The following STK3 variants were observed in gnomAD, a reference collection of about 807,000 sequenced individuals.
STK3 encodes serine/threonine-protein kinase 3.
A neutral mutation model predicts 58.0 loss-of-function variants in STK3; 41 were observed. The ratio of observed to expected loss-of-function variants is 0.71; its 90% CI spans 0.55 to 0.92. STK3 has a LOEUF of 0.92. STK3 is among the 40% of genes least tolerant of loss of function. The probability of loss-of-function intolerance (pLI) is 0.00; values close to 1 mark genes in which losing one functional copy is unlikely to be tolerated. For synonymous variants in STK3, 170 were observed against 191.0 expected (o/e 0.89, Z 0.91); for missense variants, 479 against 602.7 (o/e 0.79, Z 2.15).
intron 6 of STK3, among the ~76,000 whole-genome samples, chr8:98,665,471 A>T (rs1394144973): frequency 6.6e-6 from 1 of 152,010 alleles, no homozygotes; most frequent in Non-Finnish European, 1.5e-5. Flanking sequence ...ATCATGACTC[A>T]CTGTAGCCTC....
chr8:98,905,118 C>A (rs546412448), intron 1 of STK3: 1 of 1,439,342 alleles, frequency 6.9e-7, no homozygotes, highest in African/African-American at 1.4e-5. Flanking sequence ...GTCTGCCACA[C>A]GACCCGTACG....
chr8:98,911,384 G>T (rs867805437), intron 1 of STK3, among the ~76,000 whole-genome samples: 1,153 of 107,016 alleles, frequency 0.011, 22 homozygotes, highest in African/African-American at 0.049. Flanking sequence ...ATATTGTATT[G>T]TATTTATTTA....
chr8:98,711,786 C>G (rs1346970960), intron 4 of STK3, among the ~76,000 whole-genome samples: 1 of 152,118 alleles, frequency 6.6e-6, no homozygotes, highest in Non-Finnish European at 1.5e-5. Flanking sequence ...ACAGAGAACG[C>G]CACAAAGATA....
At chr8:98,389,645 A>G (rs1817827642), upstream of STK3, among the ~76,000 whole-genome samples, 1 of 151,656 alleles carries the variant, frequency 6.6e-6, no homozygotes, top group African/African-American at 2.4e-5. Context: ...AAACCTTTCC[A>G]TGTGACAGCA....
At chr8:98,915,874 A>G (rs1022762321) in intron 1 of STK3, among the ~76,000 whole-genome samples, 3 of 152,118 alleles carry the variant, frequency 2.0e-5, no homozygotes, top group East Asian at 3.9e-4. Flanking sequence ...ACTAGTGACC[A>G]ATATCATTTT....
chr8:98,385,391 C>T (rs574235853), intron 1 of STK3, among the ~76,000 whole-genome samples: 1 of 152,124 alleles, frequency 6.6e-6, no homozygotes, highest in East Asian at 1.9e-4. Context: ...TAAATGTCCT[C>T]CCAGAGTCTC....
At chr8:98,436,239 T>C (rs1003074472) in intron 2 of STK3, among the ~76,000 whole-genome samples, 23 of 152,086 alleles carry the variant, frequency 1.5e-4, no homozygotes, top group African/African-American at 5.3e-4. Context: ...CCCTCTTCCA[T>C]TTCTCCCACA....
chr8:98,367,341 C>T (rs1325602479), downstream of STK3, among the ~76,000 whole-genome samples: 1 of 152,232 alleles, frequency 6.6e-6, no homozygotes, highest in Non-Finnish European at 1.5e-5. Context: ...ATGAGTGAGT[C>T]AGTGGGGGTG....
chr8:98,446,761 C>T (rs573734298), intron 1 of STK3, among the ~76,000 whole-genome samples: 2 of 152,270 alleles, frequency 1.3e-5, no homozygotes, highest in East Asian at 3.9e-4. Flanking sequence ...GAATATAAAT[C>T]ATTCTACCAT....
At chr8:98,382,689 C>T (rs1817749274) in intron 1 of STK3, among the ~76,000 whole-genome samples, 1 of 152,266 alleles carries the variant, frequency 6.6e-6, no homozygotes, top group South Asian at 2.1e-4. Flanking sequence ...ACTCCCACTC[C>T]CCTGCCTGGA....
intron 4 of STK3, among the ~76,000 whole-genome samples, chr8:98,717,160 T>A (rs1827081133): frequency 6.7e-6 from 1 of 149,338 alleles, no homozygotes; most frequent in East Asian, 2.0e-4. Flanking sequence ...AACACAAGAA[T>A]AAAACAGACA....
At chr8:98,462,166 A>T (rs1309180276) in intron 10 of STK3, among the ~76,000 whole-genome samples, 1 of 152,142 alleles carries the variant, frequency 6.6e-6, no homozygotes, top group African/African-American at 2.4e-5. Flanking sequence ...GTGCTATCAA[A>T]TAGTAGGTCT....
chr8:98,767,643 TCAAA>T (rs969998693), intron 2 of STK3, among the ~76,000 whole-genome samples: 2 of 152,096 alleles, frequency 1.3e-5, no homozygotes, highest in African/African-American at 4.8e-5. Context: ...TTTGGTCAAC[TCAAA>T]CAAATGCAGC....
At chr8:98,908,922 G>A (rs1214640781) in intron 1 of STK3, among the ~76,000 whole-genome samples, 7 of 150,528 alleles carry the variant, frequency 4.7e-5, no homozygotes, top group African/African-American at 7.4e-5. Context: ...TTGGGAGGCC[G>A]AAGTGGGCAG....
chr8:98,409,743 G>A (rs1586551452), intron 3 of STK3, among the ~76,000 whole-genome samples: 1 of 152,202 alleles, frequency 6.6e-6, no homozygotes. Flanking sequence ...GGCTCTGGGG[G>A]CTTGCACTGC....
chr8:98,486,035 G>A (rs1001665453), intron 10 of STK3, among the ~76,000 whole-genome samples: 7 of 152,176 alleles, frequency 4.6e-5, no homozygotes, highest in African/African-American at 1.4e-4. Flanking sequence ...GAAACAGACC[G>A]AAAGACACAT....
Position 98,447,955 on chromosome 8 carries a change from TATAATAATA to T in STK3, n.186-10756_186-10748del, listed in dbSNP as rs143901845. On this transcript the variant is annotated intron_variant and non_coding_transcript_variant, in intron 1 of 3. Transcript: ENST00000517832. ...TGCACATGTACCCTAAAACTTAAAGTATAATAATAATAATAATAATAATAATAATAAAGC... is the reference window on the plus strand; with the variant it reads ...TGCACATGTACCCTAAAACTTAAAGTATAATAATAATAATAATAATAAAGC... 1.8e-3 allele frequency among the ~76,000 whole-genome samples: 252 copies of T among 142,000 alleles called. 4 individuals are homozygous for T. The South Asian group carries it at 0.05, about 28-fold the overall frequency. The allele number at this position is 142,000 out of a possible 152,430, so 93.2% of individuals were successfully genotyped here. A position where few individuals can be genotyped will look rare whatever the true frequency, so the allele number is the denominator to read the frequency against.
intron 4 of STK3, among the ~76,000 whole-genome samples, chr8:98,710,566 A>C (rs1826327908): frequency 6.6e-6 from 1 of 152,228 alleles, no homozygotes. Flanking sequence ...TGTGAGATCA[A>C]ACTGCAATGC....
chr8:98,446,461 C>T (rs141104351), intron 1 of STK3, among the ~76,000 whole-genome samples: 5 of 152,272 alleles, frequency 3.3e-5, no homozygotes, highest in Non-Finnish European at 7.4e-5. Flanking sequence ...TTCTGTGCAT[C>T]TCTCATTTAC....
Sources: allele counts gnomAD v4.1 joint callset (sites outside exome capture counted in the v4.1 genomes callset), GRCh38; gene constraint gnomAD v4.1.1; transcripts MANE v1.5; gene names NCBI Gene and HGNC (gene_info 2026-07-23, HGNC 2026-07-21).